LSAMP: variants seen among roughly 807,000 people sequenced by gnomAD.
The protein encoded by LSAMP is limbic system associated membrane protein, also known as limbic system-associated membrane protein.
A neutral mutation model predicts 38.6 loss-of-function variants in LSAMP; 7 were observed. That is an observed-to-expected ratio of 0.18 (90% CI 0.10 to 0.34). The LOEUF is 0.34. Among genes scored for constraint, LSAMP ranks in the 10% least tolerant of loss-of-function variants. The pLI, the probability that LSAMP is intolerant of heterozygous loss-of-function variation, is 1.00. For synonymous variants in LSAMP, 154 were observed against 166.8 expected (o/e 0.92, Z 0.59); for missense variants, 313 against 420.0 (o/e 0.75, Z 2.23).
chr3:116,260,443 T>C (rs1272343683), intron 1 of LSAMP, among the ~76,000 whole-genome samples: 1 of 151,824 alleles, frequency 6.6e-6, no homozygotes, highest in Non-Finnish European at 1.5e-5. Context: ...TACTATAAAC[T>C]ATACTAATAT....
intron 1 of LSAMP, among the ~76,000 whole-genome samples, chr3:116,232,699 C>CTTTTT (rs1219296323): frequency 0.028 from 2,819 of 99,380 alleles, 136 homozygotes; most frequent in Admixed American, 0.036. Context: ...TTCTTTCTTT[C>CTTTTT]TTTTTTTTTT....
intron 1 of LSAMP, among the ~76,000 whole-genome samples, chr3:116,358,908 G>C (rs1559840869): frequency 6.6e-6 from 1 of 152,180 alleles, no homozygotes. Context: ...ATAATATAGA[G>C]TACAAAGAAA....
At chr3:116,114,452 G>A (rs1371076023) in intron 1 of LSAMP, among the ~76,000 whole-genome samples, 2 of 151,866 alleles carry the variant, frequency 1.3e-5, no homozygotes. Flanking sequence ...AACAAGGTCT[G>A]TTCATTACAT....
chr3:115,946,745 C>CA lies in LSAMP; in HGVS notation c.514+72769dup, dbSNP rs561735090. On this transcript the variant is annotated intron_variant, in intron 3 of 6. Coordinates refer to ENST00000490035, the MANE Select transcript of LSAMP (RefSeq NM_002338.5). ...GAAGCAAAATCTCTTCCAGAGAATA[C>CA]AAAAAAAAAGGGAATTATTTCCAAA... Among the ~76,000 whole-genome samples, 724 of 149,656 alleles carry CA rather than the reference C, an allele frequency of 4.8e-3. 5 individuals are homozygous for CA. Among genetic ancestry groups the CA allele is most frequent in the African/African-American group, 0.016 (653 of 40,788 alleles).
chr3:116,122,489 T>G (rs1460135724), intron 1 of LSAMP, among the ~76,000 whole-genome samples: 1 of 152,168 alleles, frequency 6.6e-6, no homozygotes, highest in Non-Finnish European at 1.5e-5. Context: ...CACTCTATCT[T>G]CCTGTAAAGT....
At chr3:116,442,788 A>ACT (rs1268701656) in intron 1 of LSAMP, among the ~76,000 whole-genome samples, 3 of 152,158 alleles carry the variant, frequency 2.0e-5, no homozygotes, top group Non-Finnish European at 4.4e-5. Flanking sequence ...TTTTTCTCTC[A>ACT]GAGTCCCTAT....
At chr3:116,370,029 C>A (rs2048409633) in intron 1 of LSAMP, 2 of 152,540 alleles carry the variant, frequency 1.3e-5, no homozygotes, top group African/African-American at 4.8e-5. Context: ...GTTATGGCAA[C>A]CCTAGCAAAC....
At chr3:116,427,695 G>A (rs1017015928) in intron 1 of LSAMP, among the ~76,000 whole-genome samples, 3 of 152,042 alleles carry the variant, frequency 2.0e-5, no homozygotes, top group South Asian at 2.1e-4. Flanking sequence ...GGAATGGCCC[G>A]TGCAAGTAAG....
At chr3:116,122,467 A>G in intron 1 of LSAMP, among the ~76,000 whole-genome samples, 1 of 152,178 alleles carries the variant, frequency 6.6e-6, no homozygotes, top group Admixed American at 6.5e-5. Flanking sequence ...CTGTCTGAAG[A>G]AGAGACCCCA....
chr3:115,831,204 C>T (rs1934597400), intron 6 of LSAMP, among the ~76,000 whole-genome samples: 1 of 152,082 alleles, frequency 6.6e-6, no homozygotes, highest in Non-Finnish European at 1.5e-5. Flanking sequence ...TTTCCCAAAC[C>T]CACTTGCCAC....
At chr3:115,826,283 T>G (rs1934406833) in intron 6 of LSAMP, among the ~76,000 whole-genome samples, 1 of 151,856 alleles carries the variant, frequency 6.6e-6, no homozygotes, top group South Asian at 2.1e-4. Flanking sequence ...CCCGGCTAAT[T>G]TTTTGTATTT....
At position 115,896,013 on chromosome 3, in the gene LSAMP, T is replaced by G. The variant is rs75756774; in HGVS notation, c.515-43396A>C. 8.8e-3 allele frequency among the ~76,000 whole-genome samples: 1,341 copies of G among 152,274 alleles called. 19 individuals are homozygous for G. Among genetic ancestry groups the G allele is most frequent in the African/African-American group, 0.03 (1,234 of 41,576 alleles). On this transcript the variant is annotated intron_variant, in intron 3 of 6. Transcript: ENST00000490035. ...TACCATTAAAATTAACTGAAACATC[T>G]GCTGGGCTATTTGCCATTTCACTAA...
At chr3:116,108,444 C>A (rs1053250573) in intron 1 of LSAMP, among the ~76,000 whole-genome samples, 9 of 152,116 alleles carry the variant, frequency 5.9e-5, no homozygotes, top group African/African-American at 1.4e-4. Flanking sequence ...AGGCCCTTGA[C>A]AAGAAGGTAA....
intron 6 of LSAMP, among the ~76,000 whole-genome samples, chr3:115,823,064 T>C (rs906210954): frequency 2.0e-5 from 3 of 152,248 alleles, no homozygotes; most frequent in Admixed American, 6.5e-5. Context: ...TCACTCCTTA[T>C]ATCAAATATT....
intron 1 of LSAMP, among the ~76,000 whole-genome samples, chr3:116,159,360 A>G (rs2107536076): frequency 6.6e-6 from 1 of 152,334 alleles, no homozygotes; most frequent in South Asian, 2.1e-4. Context: ...TATGCATCTG[A>G]CAAACATTTG....
intron 2 of LSAMP, among the ~76,000 whole-genome samples, chr3:116,037,874 G>C (rs566053182): frequency 6.6e-6 from 1 of 151,998 alleles, no homozygotes; most frequent in Non-Finnish European, 1.5e-5. Context: ...AGTGGTATAA[G>C]CTTATTCTGT....
At chr3:116,134,629 TTCC>T (rs1347535670) in intron 1 of LSAMP, among the ~76,000 whole-genome samples, 1 of 152,214 alleles carries the variant, frequency 6.6e-6, no homozygotes, top group Non-Finnish European at 1.5e-5. Flanking sequence ...GTCCACCATC[TTCC>T]TCAATATTTG....
At chr3:115,947,977 A>G (rs1368207012) in intron 3 of LSAMP, among the ~76,000 whole-genome samples, 1 of 152,230 alleles carries the variant, frequency 6.6e-6, no homozygotes, top group African/African-American at 2.4e-5. Flanking sequence ...TCAGAAATAA[A>G]GTACATCTAT....
chr3:116,118,137 G>T (rs2107482792), intron 1 of LSAMP, among the ~76,000 whole-genome samples: 1 of 152,140 alleles, frequency 6.6e-6, no homozygotes, highest in Admixed American at 6.5e-5. Context: ...TATATCTGGG[G>T]TCCCCCAGTA....
Sources: allele counts gnomAD v4.1 joint callset (sites outside exome capture counted in the v4.1 genomes callset), GRCh38; gene constraint gnomAD v4.1.1; transcripts MANE v1.5; gene names NCBI Gene and HGNC (gene_info 2026-07-23, HGNC 2026-07-21).